The following CCDC73 variants were observed in gnomAD, a reference collection of about 807,000 sequenced individuals.
CCDC73 encodes the protein coiled-coil domain-containing protein 73.
In CCDC73, 95 loss-of-function variants were observed where a neutral mutation model predicts 116.5. The observed-to-expected ratio is 0.82, with a 90% CI of 0.69 to 0.97. The LOEUF (loss-of-function observed/expected upper bound fraction) is 0.97, where lower values mean the gene tolerates loss of function less well. Among genes scored for constraint, CCDC73 ranks in the 50% least tolerant of loss-of-function variants. The pLI, the probability that CCDC73 is intolerant of heterozygous loss-of-function variation, is 0.00. For missense variants in CCDC73, 1,066 were observed against 1,206.8 expected (o/e 0.88, Z 1.73); for synonymous variants, 398 against 401.3 (o/e 0.99, Z 0.10).
At chr11:32,683,252 A>C (rs1209521450) in intron 7 of CCDC73, 1 of 381,426 alleles carries the variant, frequency 2.6e-6, no homozygotes, top group Non-Finnish European at 4.8e-6. Flanking sequence ...CATCATGTTG[A>C]CACTCAAAAA....
chr11:32,800,840 G>A, the CCDC73 span, among the ~76,000 whole-genome samples: 4 of 152,176 alleles, frequency 2.6e-5, no homozygotes, highest in Admixed American at 6.5e-5. Flanking sequence ...TAAAATGGAG[G>A]AGGAAAGTCA....
intron 2 of CCDC73, among the ~76,000 whole-genome samples, chr11:32,720,036 T>C (rs1829701212): frequency 6.6e-6 from 1 of 152,152 alleles, no homozygotes; most frequent in Non-Finnish European, 1.5e-5. Context: ...AGGAAACACA[T>C]ACTAACTGAT....
intron 9 of CCDC73, among the ~76,000 whole-genome samples, chr11:32,660,958 T>C (rs897966571): frequency 7.2e-5 from 11 of 152,052 alleles, no homozygotes; most frequent in Non-Finnish European, 1.5e-4. Context: ...AAGTAATGAC[T>C]TAATATAAAC....
chr11:32,657,700 C>A (rs1855886319), intron 9 of CCDC73, among the ~76,000 whole-genome samples: 1 of 152,098 alleles, frequency 6.6e-6, no homozygotes, highest in South Asian at 2.1e-4. Flanking sequence ...TCCCTACTAA[C>A]CACAAATTGG....
intron 14 of CCDC73, among the ~76,000 whole-genome samples, chr11:32,617,441 G>C (rs1855483616): frequency 6.6e-6 from 1 of 152,048 alleles, no homozygotes. Context: ...AAAGAATTCT[G>C]GTCACAACCC....
chr11:32,653,375 T>C (rs16923497), intron 11 of CCDC73, 148 bp from the exon 12 acceptor site: 5,418 of 483,726 alleles, frequency 0.011, 221 homozygotes, highest in African/African-American at 0.094. Flanking sequence ...GCACATCTAA[T>C]GGTATCTAAA....
At position 32,760,138 on chromosome 11, in the gene CCDC73, C is replaced by T. The variant is rs1850378741; in HGVS notation, c.106G>A (p.Glu36Lys). The change falls in exon 2 of 18, where the codon GAG becomes AAG. Residue 36 changes from glutamate to lysine, a missense_variant. Transcript: ENST00000335185. ...CTCATACGCAATTCTTCTAATGCCT[C>T]CAGTAAACTTGTTTTGAAATCTAAT... Reference protein sequence around the residue: ...QLLDFKTSLLEALEELRMRRE... With the variant: ...QLLDFKTSLLKALEELRMRRE... The T allele has an allele frequency of 1.2e-6, 2 of 1,604,908 alleles. No individual in the cohort carries two copies. Among genetic ancestry groups the T allele is most frequent in the Non-Finnish European group, 8.5e-7 (1 of 1,176,186 alleles).
chr11:32,627,225 A>C (rs1315832183), intron 14 of CCDC73, among the ~76,000 whole-genome samples: 1 of 152,248 alleles, frequency 6.6e-6, no homozygotes, highest in Non-Finnish European at 1.5e-5. Context: ...AAAAATTCTC[A>C]TCATCACTGG....
upstream of CCDC73, among the ~76,000 whole-genome samples, chr11:32,798,027 AT>A (rs1331001060): frequency 2.6e-5 from 4 of 152,252 alleles, no homozygotes; most frequent in African/African-American, 9.6e-5. Flanking sequence ...AAAATATTGT[AT>A]AAAATCACCA....
At chr11:32,700,985 A>T (rs1849806103) in intron 4 of CCDC73, among the ~76,000 whole-genome samples, 159 bp from the exon 5 acceptor site, 1 of 152,186 alleles carries the variant, frequency 6.6e-6, no homozygotes, top group South Asian at 2.1e-4. Context: ...TAATAATGAT[A>T]TAAAACGAGA....
intron 14 of CCDC73, among the ~76,000 whole-genome samples, chr11:32,634,554 T>G (rs1855661301): frequency 6.6e-6 from 1 of 152,008 alleles, no homozygotes; most frequent in Non-Finnish European, 1.5e-5. Flanking sequence ...ATAGCTAAAA[T>G]GATAAGAAAT....
chr11:32,676,117 G>T, intron 7 of CCDC73, 96 bp from the exon 8 acceptor site: 3 of 951,460 alleles, frequency 3.2e-6, no homozygotes, highest in Non-Finnish European at 4.4e-6. Flanking sequence ...AACCACTGTT[G>T]TTAGTAATAT....
At chr11:32,678,207 G>A (rs1313840895) in intron 7 of CCDC73, among the ~76,000 whole-genome samples, 1 of 151,466 alleles carries the variant, frequency 6.6e-6, no homozygotes, top group Non-Finnish European at 1.5e-5. Context: ...TGAACCCTGG[G>A]GGCAAAGGTT....
chr11:32,631,028 T>C (rs957506562), intron 14 of CCDC73, among the ~76,000 whole-genome samples: 3 of 152,192 alleles, frequency 2.0e-5, no homozygotes, highest in African/African-American at 7.2e-5. Context: ...GAACAATAAA[T>C]GTGTCATAAC....
At chr11:32,634,338 G>A (rs116004831) in intron 14 of CCDC73, among the ~76,000 whole-genome samples, 3,690 of 152,112 alleles carry the variant, frequency 0.024, 136 homozygotes, top group African/African-American at 0.084. Flanking sequence ...GTTTATCCCA[G>A]GAATGCAGGT....
chr11:32,808,247 T>C, the CCDC73 span, among the ~76,000 whole-genome samples: 1 of 152,008 alleles, frequency 6.6e-6, no homozygotes, highest in African/African-American at 2.4e-5. Context: ...GAAAATAACA[T>C]ACGGAAAAGA....
chr11:32,704,838 G>A (rs1224569222), intron 3 of CCDC73, among the ~76,000 whole-genome samples: 1 of 152,222 alleles, frequency 6.6e-6, no homozygotes, highest in Non-Finnish European at 1.5e-5. Flanking sequence ...ACACTCATCT[G>A]CACTACCTGC....
At chr11:32,672,260 T>C (rs1471915304) in intron 9 of CCDC73, among the ~76,000 whole-genome samples, 2 of 152,144 alleles carry the variant, frequency 1.3e-5, no homozygotes, top group Non-Finnish European at 2.9e-5. Context: ...GAGAATGGCT[T>C]GAACCCAGGA....
chr11:32,713,479 G>A (rs1849919337), intron 3 of CCDC73, among the ~76,000 whole-genome samples: 1 of 152,002 alleles, frequency 6.6e-6, no homozygotes, highest in African/African-American at 2.4e-5. Flanking sequence ...AAGCCACACT[G>A]AAAGGGATAA....
Sources: allele counts gnomAD v4.1 joint callset (sites outside exome capture counted in the v4.1 genomes callset), GRCh38; gene constraint gnomAD v4.1.1; transcripts MANE v1.5; gene names NCBI Gene and HGNC (gene_info 2026-07-23, HGNC 2026-07-21).